HBEGF: variants seen among roughly 807,000 people sequenced by gnomAD.
HBEGF encodes the protein proheparin-binding EGF-like growth factor.
A neutral mutation model predicts 19.5 loss-of-function variants in HBEGF; 8 were observed. The ratio of observed to expected loss-of-function variants is 0.41; its 90% CI spans 0.24 to 0.74. The LOEUF (loss-of-function observed/expected upper bound fraction) is 0.74, where lower values mean the gene tolerates loss of function less well. HBEGF is among the 30% of genes least tolerant of loss of function. The pLI is 0.32. For synonymous variants in HBEGF, 97 were observed against 108.9 expected (o/e 0.89, Z 0.68); for missense variants, 207 against 256.9 (o/e 0.81, Z 1.33).
chr5:140,346,375 C>A lies in HBEGF; in HGVS notation c.-47G>T. 3 of 1,584,720 alleles carry A rather than the reference C, an allele frequency of 1.9e-6. No homozygotes were observed. The highest frequency in any genetic ancestry group is 2.6e-6 in the Non-Finnish European group (3 of 1,166,240). On this transcript the variant is annotated 5_prime_UTR_variant, in exon 1 of 6. Coordinates refer to ENST00000230990, the MANE Select transcript of HBEGF (RefSeq NM_001945.3). This position sits in a 1 kb window ranked among gnomAD's most constrained non-coding sequence, Gnocchi z 6.1. ...GGCGAGGCACCAGTCACTTTCGAAG[C>A]GGCGGCCACTGGGCGCTGGCACCAG...
chr5:140,341,970 G>C (rs916456735), intron 3 of HBEGF, among the ~76,000 whole-genome samples: 1 of 152,182 alleles, frequency 6.6e-6, no homozygotes, highest in Non-Finnish European at 1.5e-5. Flanking sequence ...CTGACCGGGG[G>C]CTGATGCCTA....
In HBEGF at chr5:140,345,315, G is replaced by A. The variant is rs141862991; in HGVS notation, c.220+596C>T. 3.4e-3 allele frequency among the ~76,000 whole-genome samples: 512 copies of A among 152,268 alleles called. 1 individual carries two copies. Among genetic ancestry groups the A allele is most frequent in the Non-Finnish European group, 6.1e-3 (418 of 68,012 alleles). Reference sequence around the variant, plus strand: ...CTCAGGAATGCAAGGTGCTCAGTAAGCTGCAGGTTTCCGGTAGCATTCACA... The same window carrying A: ...CTCAGGAATGCAAGGTGCTCAGTAAACTGCAGGTTTCCGGTAGCATTCACA... On this transcript the variant is annotated intron_variant, in intron 2 of 5. Coordinates refer to ENST00000230990, the MANE Select transcript of HBEGF (RefSeq NM_001945.3).
At chr5:140,336,050 G>T in intron 3 of HBEGF, 23 bp from the exon 4 acceptor site, 10 of 1,610,944 alleles carry the variant, frequency 6.2e-6, no homozygotes, top group Non-Finnish European at 8.5e-6. Flanking sequence ...AGAACAAGAA[G>T]GAGATGGAGT....
rs368709083 is a variant in HBEGF, at chr5:140,346,348, G to A, written c.-20C>T. 6 of 1,604,818 alleles carry A rather than the reference G, an allele frequency of 3.7e-6. No individual in the cohort carries two copies. The highest frequency in any genetic ancestry group is 5.1e-6 in the Non-Finnish European group (6 of 1,176,346). ...CTTCATGGTCCCGCACCGAGAGGAG[G>A]CGGCGAGGCACCAGTCACTTTCGAA... On this transcript the variant is annotated 5_prime_UTR_variant, in exon 1 of 6. Transcript: ENST00000230990. The surrounding 1 kb of genome is among the most constrained non-coding windows in gnomAD (Gnocchi z 6.1).
In HBEGF at chr5:140,336,018, C is replaced by T. The variant is rs141251136; in HGVS notation, c.408G>A (p.Pro136=). The T allele has an allele frequency of 1.3e-4, 204 of 1,613,674 alleles. 1 individual carries two copies. The highest frequency in any genetic ancestry group is 1.7e-4 in the Non-Finnish European group (195 of 1,179,884). The change falls in exon 4 of 6, where the codon CCG becomes CCA. Residue 136 remains proline (P), a synonymous_variant. Transcript: ENST00000230990. ...ELRAPSCICH[P]GYHGERCHGL... ...CATGACACCTCTCTCCATGGTAACC[C>T]GGGTGGCAGCTAGTTCAAGACAGAA... is the stretch of plus-strand genomic sequence containing the variant.
At chr5:140,336,833 T>C (rs533036943) in intron 3 of HBEGF, among the ~76,000 whole-genome samples, 19 of 146,080 alleles carry the variant, frequency 1.3e-4, no homozygotes, top group East Asian at 1.2e-3. Flanking sequence ...TTTTTCTTTT[T>C]TTTTTTTTTT....
chr5:140,337,066 G>A lies in HBEGF; in HGVS notation c.399-1039C>T, dbSNP rs148855959. Among the ~76,000 whole-genome samples the A allele has an allele frequency of 4.9e-3, 742 of 152,056 alleles. 4 individuals are homozygous for A. Among genetic ancestry groups the A allele is most frequent in the African/African-American group, 0.016 (684 of 41,500 alleles). On this transcript the variant is annotated intron_variant, in intron 3 of 5. Transcript: ENST00000230990. ...GGCTGGTCTCAAACTCCTGACCTCAGGTGATCCACCCGCCTCTGCCTCCCA... is the reference window on the plus strand; with the variant it reads ...GGCTGGTCTCAAACTCCTGACCTCAAGTGATCCACCCGCCTCTGCCTCCCA...
chr5:140,345,497 C>T (rs1425039294), intron 2 of HBEGF, among the ~76,000 whole-genome samples: 1 of 152,122 alleles, frequency 6.6e-6, no homozygotes, highest in Non-Finnish European at 1.5e-5. Flanking sequence ...AGAGATGTGC[C>T]TGGGCATCTC....
At chr5:140,334,781 C>T (rs765015464) in intron 4 of HBEGF, 33 bp from the exon 5 acceptor site, 1 of 1,519,534 alleles carries the variant, frequency 6.6e-7, no homozygotes. Flanking sequence ...ATAAGCCCTG[C>T]CTGCTATGAC....
intron 3 of HBEGF, among the ~76,000 whole-genome samples, chr5:140,342,108 G>C (rs1766321893): frequency 6.6e-6 from 1 of 152,344 alleles, no homozygotes; most frequent in Non-Finnish European, 1.5e-5. Context: ...AAGAAAGAGA[G>C]GCCTCAACCT....
chr5:140,334,397 C>T, intron 5 of HBEGF, 117 bp from the exon 6 acceptor site: 3 of 462,922 alleles, frequency 6.5e-6, no homozygotes, highest in Non-Finnish European at 1.1e-5. Context: ...ACTCTGTCTC[C>T]CAGGGGAGGA....
intron 4 of HBEGF, 123 bp downstream of exon 4, chr5:140,335,749 C>T (rs563960797): frequency 1.1e-4 from 112 of 1,058,342 alleles, no homozygotes; most frequent in African/African-American, 3.8e-4. Context: ...ATCTACACCC[C>T]GGAGCTAGCC....
At position 140,346,047 on chromosome 5, in the gene HBEGF, C is replaced by A. The variant is rs766626471; in HGVS notation, c.84G>T (p.Arg28=). The A allele has an allele frequency of 1.4e-5, 22 of 1,613,850 alleles. No homozygotes were observed. Among genetic ancestry groups the A allele is most frequent in the Non-Finnish European group, 1.8e-5 (21 of 1,179,912 alleles). Reference sequence around the variant, plus strand: ...TTCCAGCAGCTAGCCCTCTCCGAAGCCGCTCCAGGCTCTCGCCAGTCACCA... The same window carrying A: ...TTCCAGCAGCTAGCCCTCTCCGAAGACGCTCCAGGCTCTCGCCAGTCACCA... ...SALVTGESLE[R]LRRGLAAGTS... Residue 28 remains arginine, a synonymous_variant, in exon 2 of 6, where the codon CGG becomes CGT. Transcript: ENST00000230990. This position sits in a 1 kb window ranked among gnomAD's most constrained non-coding sequence, Gnocchi z 6.1.
At chr5:140,334,829 T>G in intron 4 of HBEGF, 81 bp from the exon 5 acceptor site, 1 of 1,140,952 alleles carries the variant, frequency 8.8e-7, no homozygotes. Flanking sequence ...CAAAGAACTC[T>G]GCCATGGTGG....
At position 140,342,697 on chromosome 5, in the gene HBEGF, G is replaced by A. The variant is rs747672351; in HGVS notation, c.336C>T (p.Tyr112=). ...GKKRDPCLRK[Y]KDFCIHGECK... is the part of the protein sequence containing the mutation. ...ATTCTCCATGGATGCAGAAGTCCTT[G>A]TATTTCCGAAGACATGGGTCCCTCT... The change falls in exon 3 of 6, where the codon TAC becomes TAT. Residue 112 remains tyrosine, a synonymous_variant. Transcript: ENST00000230990. The A allele has an allele frequency of 1.2e-6, 2 of 1,614,090 alleles. No homozygotes were observed. The highest frequency in any genetic ancestry group is 1.7e-5 in the Admixed American group (1 of 60,002).
Position 140,346,429 on chromosome 5 carries a change from G to A in HBEGF, c.-101C>T, listed in dbSNP as rs1032899850. On this transcript the variant is annotated 5_prime_UTR_variant, in exon 1 of 6. Transcript: ENST00000230990. The surrounding 1 kb of genome is among the most constrained non-coding windows in gnomAD (Gnocchi z 6.1). ...TGGGCGGCGGAGCTCAGGAGATTCCGCCGGGCACCGTCTGCCGCCCGCCTC... is the reference window on the plus strand; with the variant it reads ...TGGGCGGCGGAGCTCAGGAGATTCCACCGGGCACCGTCTGCCGCCCGCCTC... The A allele has an allele frequency of 1.2e-5, 16 of 1,325,698 alleles. No homozygotes were observed. Among genetic ancestry groups the A allele is most frequent in the Admixed American group, 1.0e-4 (5 of 48,356 alleles). 82.1% of individuals were successfully genotyped at this position (1,325,698 alleles called of 1,614,324 possible). A position where few individuals can be genotyped will look rare whatever the true frequency, so the allele number is the denominator to read the frequency against.
chr5:140,346,245 A>C lies in HBEGF; in HGVS notation c.46+38T>G. On this transcript the variant is annotated intron_variant, in intron 1 of 5. Transcript: ENST00000230990. The surrounding 1 kb of genome is among the most constrained non-coding windows in gnomAD (Gnocchi z 6.1). Reference sequence around the variant, plus strand: ...CCCATGCCCCCAGCACAACGCCCCCATCCCCCCGATCTCCGGGGGCGTCGG... The same window carrying C: ...CCCATGCCCCCAGCACAACGCCCCCCTCCCCCCGATCTCCGGGGGCGTCGG... The C allele has an allele frequency of 1.9e-6, 3 of 1,583,798 alleles. No individual in the cohort carries two copies. In the South Asian group the frequency reaches 3.4e-5, roughly 18 times the overall value.
intron 3 of HBEGF, among the ~76,000 whole-genome samples, chr5:140,338,651 C>T (rs1026061353): frequency 2.6e-5 from 4 of 152,222 alleles, no homozygotes; most frequent in Non-Finnish European, 5.9e-5. Context: ...CTCCCCCTCC[C>T]TTTGCAGACA....
intron 3 of HBEGF, among the ~76,000 whole-genome samples, chr5:140,342,019 G>A (rs1766320610): frequency 6.6e-6 from 1 of 152,146 alleles, no homozygotes; most frequent in Non-Finnish European, 1.5e-5. Context: ...CTGCACAAAG[G>A]AATTGTTCTC....
Sources: gnomAD v4.1 joint callset for allele counts (sites outside exome capture counted in the v4.1 genomes callset) on GRCh38, gnomAD v4.1.1 for gene constraint, Gnocchi (gnomAD v3.1) non-coding constraint, MANE v1.5 for transcripts, NCBI Gene and HGNC (gene_info 2026-07-23, HGNC 2026-07-21) for gene names.